The following PAPPA2 variants were observed in gnomAD, a reference collection of about 807,000 sequenced individuals.
The protein encoded by PAPPA2 is pappalysin 2.
A neutral mutation model predicts 176.4 loss-of-function variants in PAPPA2; 86 were observed. The ratio of observed to expected loss-of-function variants is 0.49; its 90% CI spans 0.41 to 0.58. PAPPA2 has a LOEUF of 0.58. Among genes scored for constraint, PAPPA2 ranks in the 20% least tolerant of loss-of-function variants. The pLI, the probability that PAPPA2 is intolerant of heterozygous loss-of-function variation, is 0.00. For missense variants in PAPPA2, 2,073 were observed against 2,256.9 expected, an observed-to-expected ratio of 0.92 and a Z score of 1.65; for synonymous variants, 809 against 852.2, an observed-to-expected ratio of 0.95 and a Z score of 0.88.
At position 176,556,093 on chromosome 1, in the gene PAPPA2, G is replaced by A. The variant is rs910406421; in HGVS notation, c.-230G>A. ...AGGAGAGAGGTCAAGCGAGAAGCGTGCGGGAAGCACATGCCCTGGGGAGGC... is the reference window on the plus strand; with the variant it reads ...AGGAGAGAGGTCAAGCGAGAAGCGTACGGGAAGCACATGCCCTGGGGAGGC... On this transcript the variant is annotated 5_prime_UTR_variant, in exon 2 of 23. Coordinates refer to ENST00000367662, the MANE Select transcript of PAPPA2 (RefSeq NM_020318.3). 4 of 564,814 alleles carry A rather than the reference G, an allele frequency of 7.1e-6. No homozygotes were observed. Among genetic ancestry groups the A allele is most frequent in the African/African-American group, 5.6e-5 (3 of 53,362 alleles). 35.0% of individuals were successfully genotyped at this position (564,814 alleles called of 1,614,324 possible). A position where few individuals can be genotyped will look rare whatever the true frequency, so the allele number is the denominator to read the frequency against.
At chr1:176,841,761 C>A (rs1303187068) in intron 22 of PAPPA2, among the ~76,000 whole-genome samples, 1 of 152,050 alleles carries the variant, frequency 6.6e-6, no homozygotes, top group Non-Finnish European at 1.5e-5. Flanking sequence ...ATTATTCCAC[C>A]AAGTCAAAGT....
In PAPPA2 at chr1:176,765,768, G is replaced by T. The variant is rs758702375; in HGVS notation, c.4254G>T (p.Lys1418Asn). ...CCTCTATAGGCCCAGGTCTCATGAA[G>T]TGTGCTATCACTTGTCAAAGGGGAT... ...NCTSIGPGLM[K>N]CAITCQRGFA... The change falls in exon 15 of 23, where the codon AAG becomes AAT. Residue 1418 changes from lysine to asparagine, a missense_variant. Lys to Asn is a moderately conservative substitution (Grantham distance 94, BLOSUM62 0). This residue lies in a region of PAPPA2 where 846 missense variants were observed against 857.9 expected (regional missense o/e 0.99). Transcript: ENST00000367662. The T allele has an allele frequency of 1.2e-6, 2 of 1,614,140 alleles. No individual in the cohort carries two copies. Among genetic ancestry groups the T allele is most frequent in the Non-Finnish European group, 1.7e-6 (2 of 1,180,032 alleles).
chr1:176,719,416 G>T (rs1037236208), intron 12 of PAPPA2, among the ~76,000 whole-genome samples: 6 of 152,098 alleles, frequency 3.9e-5, no homozygotes, highest in Non-Finnish European at 5.9e-5. Flanking sequence ...CTCATTATAT[G>T]ACTTACATTA....
At chr1:176,779,095 A>G (rs1167054649) in intron 17 of PAPPA2, among the ~76,000 whole-genome samples, 1 of 152,138 alleles carries the variant, frequency 6.6e-6, no homozygotes, top group African/African-American at 2.4e-5. Context: ...TCAACCTCAA[A>G]CTAGAGAGCA....
intron 1 of PAPPA2, among the ~76,000 whole-genome samples, chr1:176,522,129 A>G (rs1649246657): frequency 6.6e-6 from 1 of 152,218 alleles, no homozygotes; most frequent in Non-Finnish European, 1.5e-5. Context: ...TTCACTTAAA[A>G]TCAACCTGAA....
At chr1:176,475,718 A>G (rs1652085133) in intron 1 of PAPPA2, among the ~76,000 whole-genome samples, 1 of 152,230 alleles carries the variant, frequency 6.6e-6, no homozygotes, top group South Asian at 2.1e-4. Context: ...TATTCCTTTA[A>G]ATAGAGATTA....
At chr1:176,525,412 A>G (rs1313779750) in intron 1 of PAPPA2, among the ~76,000 whole-genome samples, 1 of 152,210 alleles carries the variant, frequency 6.6e-6, no homozygotes, top group Non-Finnish European at 1.5e-5. Flanking sequence ...ATACATTAGG[A>G]TACATTAGGA....
intron 20 of PAPPA2, among the ~76,000 whole-genome samples, chr1:176,799,823 G>A (rs1194635634): frequency 6.6e-6 from 1 of 152,062 alleles, no homozygotes; most frequent in Admixed American, 6.5e-5. Flanking sequence ...TGGGAAAGAG[G>A]ATGAAAAGTT....
At chr1:176,476,715 G>A (rs1652144829) in intron 1 of PAPPA2, among the ~76,000 whole-genome samples, 1 of 152,164 alleles carries the variant, frequency 6.6e-6, no homozygotes, top group Non-Finnish European at 1.5e-5. Flanking sequence ...CCATGACTAG[G>A]ATGATTTTAT....
chr1:176,607,601 G>A (rs61821151), intron 3 of PAPPA2, among the ~76,000 whole-genome samples: 11,375 of 152,076 alleles, frequency 0.075, 502 homozygotes, highest in East Asian at 0.21. Context: ...TTATCCAGTC[G>A]TTCACTGATA....
intron 1 of PAPPA2, among the ~76,000 whole-genome samples, chr1:176,478,929 G>A (rs1652258598): frequency 6.6e-6 from 1 of 152,154 alleles, no homozygotes; most frequent in African/African-American, 2.4e-5. Flanking sequence ...TGGTGGGGCT[G>A]GATCAAGTTG....
At chr1:176,487,415 T>C (rs1652696284) in intron 1 of PAPPA2, among the ~76,000 whole-genome samples, 1 of 152,178 alleles carries the variant, frequency 6.6e-6, no homozygotes, top group Non-Finnish European at 1.5e-5. Flanking sequence ...TGTTCTTTGC[T>C]AGAGTTGGTT....
chr1:176,593,566 T>A (rs1653782425), intron 2 of PAPPA2, among the ~76,000 whole-genome samples: 1 of 152,144 alleles, frequency 6.6e-6, no homozygotes, highest in Admixed American at 6.5e-5. Context: ...CTAGGAACAT[T>A]TAAGGCTTCC....
chr1:176,467,252 A>G (rs1651667811), intron 1 of PAPPA2, among the ~76,000 whole-genome samples: 1 of 152,212 alleles, frequency 6.6e-6, no homozygotes, highest in Non-Finnish European at 1.5e-5. Context: ...TTATAATCTT[A>G]TGGGACCACT....
At chr1:176,566,595 T>C (rs886750366) in intron 2 of PAPPA2, among the ~76,000 whole-genome samples, 1 of 152,094 alleles carries the variant, frequency 6.6e-6, no homozygotes, top group African/African-American at 2.4e-5. Context: ...GGTGTAGTTC[T>C]GGGGTGGAGC....
At chr1:176,642,042 A>T (rs1036568888) in intron 3 of PAPPA2, among the ~76,000 whole-genome samples, 4 of 151,930 alleles carry the variant, frequency 2.6e-5, no homozygotes, top group Admixed American at 6.6e-5. Flanking sequence ...GAAAGATTTC[A>T]TGTTCCCAGA....
Position 176,740,125 on chromosome 1 carries a change from C to T in PAPPA2, c.4080C>T (p.Ser1360=). The change falls in exon 14 of 23, where the codon TCC becomes TCT. Residue 1360 remains serine (S), a synonymous_variant. Coordinates refer to ENST00000367662, the MANE Select transcript of PAPPA2 (RefSeq NM_020318.3). The stretch of plus-strand genomic sequence containing the variant: ...TCTCAGCTGTGGCTCTAAGGACATC[C>T]TCCCGCATTGGTCTTTCGGCTCCCA... ...VGISAVALRT[S]SRIGLSAPSN... 4 of 1,613,906 alleles carry T rather than the reference C, an allele frequency of 2.5e-6. No homozygotes were observed. Among genetic ancestry groups the T allele is most frequent in the Non-Finnish European group, 3.4e-6 (4 of 1,179,876 alleles).
chr1:176,577,941 T>C lies in PAPPA2; in HGVS notation c.920-16583T>C, dbSNP rs139622006. Among the ~76,000 whole-genome samples, 18 of 152,266 alleles carry C rather than the reference T, an allele frequency of 1.2e-4. No individual in the cohort carries two copies. The East Asian group carries it at 3.5e-3, about 30-fold the overall frequency. ...GACACTGCATGACTCCTCTGTTTTT[T>C]TGAATAGAGCTTCACCTTCCTGGAA... is the stretch of plus-strand genomic sequence containing the variant. On this transcript the variant is annotated intron_variant, in intron 2 of 22. Coordinates refer to ENST00000367662, the MANE Select transcript of PAPPA2 (RefSeq NM_020318.3).
chr1:176,830,969 G>A (rs1204932446), intron 21 of PAPPA2, among the ~76,000 whole-genome samples: 8 of 152,204 alleles, frequency 5.3e-5, no homozygotes, highest in Non-Finnish European at 5.9e-5. Flanking sequence ...AAAGGATTGG[G>A]AATCACTGGA....
Sources: gnomAD v4.1 joint callset for allele counts (sites outside exome capture counted in the v4.1 genomes callset) on GRCh38, gnomAD v4.1.1 for gene constraint, gnomAD v4.1.1 regional missense constraint, MANE v1.5 for transcripts, NCBI Gene and HGNC (gene_info 2026-07-23, HGNC 2026-07-21) for gene names.